Variants in ASCC3 observed in about 807,000 individuals in gnomAD.
The protein encoded by ASCC3 is ASC-1 complex subunit P200.
In ASCC3, 158 loss-of-function variants were observed where a neutral mutation model predicts 256.3. That is an observed-to-expected ratio of 0.62 (90% CI 0.54 to 0.70). ASCC3 has a LOEUF of 0.70. Ranked by LOEUF, ASCC3 falls within the 30% of genes least tolerant of loss-of-function variation. The pLI is 0.00. For synonymous variants in ASCC3, 948 were observed against 883.4 expected, an observed-to-expected ratio of 1.07 and a Z score of -1.30; for missense variants, 2,259 against 2,626.0, an observed-to-expected ratio of 0.86 and a Z score of 3.05.
At position 100,766,617 on chromosome 6, in the gene ASCC3, T is replaced by C; in HGVS notation, c.1685A>G (p.Lys562Arg). Reference protein sequence around the residue: ...RRLEPLGIIVKELTGDMQLSK... With the variant: ...RRLEPLGIIVRELTGDMQLSK... ...CAACTGCATGTCACCAGTCAATTCT[T>C]TCACAATGATGCCTAGTGGCTCTAG... Residue 562 changes from lysine (K) to arginine (R), a missense_variant, in exon 10 of 42, where the codon AAA becomes AGA. Around this residue, in one of 2 missense-constraint regions of ASCC3, gnomAD observed 1,839 missense variants for 2,206.7 expected, o/e 0.83. Transcript: ENST00000369162. 1 of 1,614,058 alleles carries C rather than the reference T, an allele frequency of 6.2e-7. No individual in the cohort carries two copies. Among genetic ancestry groups the C allele is most frequent in the Non-Finnish European group, 8.5e-7 (1 of 1,179,960 alleles).
chr6:100,713,363 G>GA (rs972181820), intron 13 of ASCC3, among the ~76,000 whole-genome samples: 2 of 151,948 alleles, frequency 1.3e-5, no homozygotes, highest in African/African-American at 4.8e-5. Flanking sequence ...AGATGTTCCA[G>GA]AAAAAAACAA....
chr6:100,518,080 CA>C lies in ASCC3; in HGVS notation c.5837del (p.Leu1946ArgfsTer5). On this transcript the variant is annotated frameshift_variant, in exon 38 of 42. Transcript: ENST00000369162. LOFTEE classifies it high-confidence loss of function. ...ACCGACCCTGGATCACCATCTGAATCAGGTTGGTGATATTCAGGACAGTCAC... is the reference window on the plus strand; with the variant it reads ...ACCGACCCTGGATCACCATCTGAATCGGTTGGTGATATTCAGGACAGTCAC... Reference protein sequence around the residue: ...WLVTVLNITNLIQMVIQGRWL... With the variant: ...WLVTVLNITNXIQMVIQGRWL... 1 of 1,613,630 alleles carries C rather than the reference CA, an allele frequency of 6.2e-7. No homozygotes were observed. The highest frequency in any genetic ancestry group is 1.3e-5 in the African/African-American group (1 of 75,006).
intron 36 of ASCC3, among the ~76,000 whole-genome samples, chr6:100,576,324 A>G (rs1011511616): frequency 6.6e-6 from 1 of 152,138 alleles, no homozygotes; most frequent in Non-Finnish European, 1.5e-5. Flanking sequence ...TTATTTTGTT[A>G]GTACTTAAGC....
chr6:100,834,918 A>G (rs1771801600), intron 4 of ASCC3, among the ~76,000 whole-genome samples: 1 of 152,164 alleles, frequency 6.6e-6, no homozygotes, highest in African/African-American at 2.4e-5. Flanking sequence ...AAACTTTTGA[A>G]AACAGAAGAG....
intron 4 of ASCC3, among the ~76,000 whole-genome samples, chr6:100,845,429 T>G (rs1772337270): frequency 6.6e-6 from 1 of 152,186 alleles, no homozygotes; most frequent in Non-Finnish European, 1.5e-5. Flanking sequence ...TAGATTTTCT[T>G]ATGTTTGCTT....
intron 13 of ASCC3, among the ~76,000 whole-genome samples, chr6:100,699,145 G>A (rs1778226670): frequency 1.3e-5 from 2 of 152,126 alleles, no homozygotes; most frequent in African/African-American, 2.4e-5. Flanking sequence ...ACGAAATAAT[G>A]CATCATATGG....
intron 30 of ASCC3, among the ~76,000 whole-genome samples, chr6:100,622,426 G>GCTTCCC (rs1404129870): frequency 6.6e-6 from 1 of 152,014 alleles, no homozygotes; most frequent in Non-Finnish European, 1.5e-5. Flanking sequence ...TAGGGGTCTT[G>GCTTCCC]CTTCCCCTTC....
intron 1 of ASCC3, among the ~76,000 whole-genome samples, chr6:100,874,633 A>AT (rs977275573): frequency 3.3e-5 from 5 of 152,170 alleles, no homozygotes; most frequent in African/African-American, 1.2e-4. Flanking sequence ...TATATTAGAT[A>AT]TTTTATGAGG....
intron 30 of ASCC3, among the ~76,000 whole-genome samples, chr6:100,611,646 A>G (rs1054451494): frequency 5.3e-5 from 8 of 152,010 alleles, no homozygotes; most frequent in African/African-American, 2.4e-5. Context: ...GTCAAATGGA[A>G]AGACCCAGTG....
rs758474162 is a variant in ASCC3 at position 100,590,021 on chromosome 6, T to C, written c.5342A>G (p.Asn1781Ser). Residue 1781 changes from asparagine (N) to serine (S), a missense_variant, in exon 35 of 42, where the codon AAC becomes AGC. Physicochemically the swap from Asn to Ser is conservative, Grantham distance 46. Around this residue, in one of 2 missense-constraint regions of ASCC3, gnomAD observed 1,839 missense variants for 2,206.7 expected, o/e 0.83. Transcript: ENST00000369162. ...CTCAATCAGATGGGACAGAAACTTG[T>C]TCACAGAATCATGGCTCACATCACC... ...NLGDVSHDSVNKFLSHLIEKS... is the reference protein window; with the variant it reads ...NLGDVSHDSVSKFLSHLIEKS... 7 of 1,613,704 alleles carry C rather than the reference T, an allele frequency of 4.3e-6. No individual in the cohort carries two copies. The Admixed American group carries it at 1.2e-4, about 27-fold the overall frequency.
chr6:100,589,620 T>C lies in ASCC3; in HGVS notation c.5550+14A>G, dbSNP rs752462753. 7 of 1,612,952 alleles carry C rather than the reference T, an allele frequency of 4.3e-6. No individual in the cohort carries two copies. Among genetic ancestry groups the C allele is most frequent in the South Asian group, 1.1e-5 (1 of 91,040 alleles). ...AAATTAAAAGAGAAGATATGAAATATATGAAAAACTCACACTTAGAATTGA... is the reference window on the plus strand; with the variant it reads ...AAATTAAAAGAGAAGATATGAAATACATGAAAAACTCACACTTAGAATTGA... On this transcript the variant is annotated intron_variant, in intron 36 of 41. Coordinates refer to ENST00000369162, the MANE Select transcript of ASCC3 (RefSeq NM_006828.4).
At chr6:100,605,832 T>C (rs1396540168) in intron 32 of ASCC3, 132 bp from the exon 33 acceptor site, 8 of 1,027,170 alleles carry the variant, frequency 7.8e-6, no homozygotes, top group Middle Eastern at 4.2e-4. Flanking sequence ...ATGTTTGCTA[T>C]GTTGATGGCT....
intron 3 of ASCC3, among the ~76,000 whole-genome samples, chr6:100,859,772 A>C (rs1773134499): frequency 6.6e-6 from 1 of 152,082 alleles, no homozygotes; most frequent in South Asian, 2.1e-4. Context: ...GTCAAAACTC[A>C]TATAAATCAG....
At chr6:100,709,757 T>A (rs1025983265) in intron 13 of ASCC3, among the ~76,000 whole-genome samples, 2 of 152,156 alleles carry the variant, frequency 1.3e-5, no homozygotes, top group Non-Finnish European at 2.9e-5. Context: ...TAATTAATAT[T>A]AAGTTTGAAG....
At chr6:100,558,292 C>A (rs1281813767) in intron 36 of ASCC3, among the ~76,000 whole-genome samples, 2 of 151,770 alleles carry the variant, frequency 1.3e-5, no homozygotes, top group Non-Finnish European at 1.5e-5. Flanking sequence ...AAAGTTAAAC[C>A]CAAAGTGAAA....
At position 100,718,085 on chromosome 6, in the gene ASCC3, C is replaced by G. The variant is rs935656060; in HGVS notation, c.2069G>C (p.Cys690Ser). The stretch of plus-strand genomic sequence containing the variant: ...AAAATGAGTATTTACCTTATTTGCA[C>G]ATTTAATCCCCAAAAATGTCTGTCC... ...PLGQTFLGIK[C>S]ANKMQQLNNM... The change falls in exon 12 of 42, where the codon TGT becomes TCT. Residue 690 changes from cysteine (C) to serine (S), a missense_variant. Physicochemically the swap from Cys to Ser is moderately radical, Grantham distance 112. Transcript: ENST00000369162. 6.2e-7 allele frequency: 1 copy of G among 1,613,164 alleles called. No homozygotes were observed. The highest frequency in any genetic ancestry group is 8.5e-7 in the Non-Finnish European group (1 of 1,179,492).
chr6:100,646,735 C>T lies in ASCC3; in HGVS notation c.3513G>A (p.Lys1171=). 6.2e-7 allele frequency: 1 copy of T among 1,613,870 alleles called. No homozygotes were observed. Among genetic ancestry groups the T allele is most frequent in the African/African-American group, 1.3e-5 (1 of 74,998 alleles). The part of the protein sequence containing the change: ...HILHHVNIGL[K]VKQCVHQIPS... ...GAATCTGATGAACACATTGTTTGAC[C>T]TTCAGTCCAATATTCACATGATGTA... Residue 1171 remains lysine, a synonymous_variant, in exon 22 of 42, where the codon AAG becomes AAA. Coordinates refer to ENST00000369162, the MANE Select transcript of ASCC3 (RefSeq NM_006828.4).
chr6:100,685,292 T>A (rs1582694169), intron 13 of ASCC3, among the ~76,000 whole-genome samples: 1 of 151,954 alleles, frequency 6.6e-6, no homozygotes, highest in African/African-American at 2.4e-5. Context: ...GTAGGGAGGG[T>A]CATGTCCTGG....
At chr6:100,821,362 T>C (rs1771031816) in intron 4 of ASCC3, among the ~76,000 whole-genome samples, 1 of 151,976 alleles carries the variant, frequency 6.6e-6, no homozygotes, top group African/African-American at 2.4e-5. Flanking sequence ...TAATTCCCTC[T>C]AGGTATACAC....
Sources: allele counts gnomAD v4.1 joint callset (sites outside exome capture counted in the v4.1 genomes callset), GRCh38; gene constraint gnomAD v4.1.1; regional missense constraint gnomAD v4.1.1; transcripts MANE v1.5; gene names NCBI Gene and HGNC (gene_info 2026-07-23, HGNC 2026-07-21).